The following RREB1 variants were observed in gnomAD, a reference collection of about 807,000 sequenced individuals.
The protein encoded by RREB1 is ras-responsive element-binding protein 1.
In RREB1, 27 loss-of-function variants were observed where a neutral mutation model predicts 117.8. The observed-to-expected ratio is 0.23, with a 90% CI of 0.17 to 0.32. The LOEUF is 0.32. Among genes scored for constraint, RREB1 ranks in the 10% least tolerant of loss-of-function variants. RREB1 has a pLI of 1.00. For synonymous variants in RREB1, 1,298 were observed against 1,026.7 expected, an observed-to-expected ratio of 1.26 and a Z score of -5.05; for missense variants, 2,577 against 2,378.2, an observed-to-expected ratio of 1.08 and a Z score of -1.74.
rs370523084 is a variant in RREB1 at position 7,231,727 on chromosome 6, G to A, written c.3628G>A (p.Gly1210Arg). The A allele has an allele frequency of 9.6e-5, 155 of 1,613,560 alleles. No individual in the cohort carries two copies. Among genetic ancestry groups the A allele is most frequent in the East Asian group, 1.6e-4 (7 of 44,882 alleles). Residue 1210 changes from glycine to arginine, a missense_variant, in exon 10 of 13, where the codon GGA becomes AGA. Gly to Arg is a moderately radical substitution (Grantham distance 125, BLOSUM62 -2). Coordinates refer to ENST00000379938, the MANE Select transcript of RREB1 (RefSeq NM_001003699.4). The part of the protein sequence containing the change: ...AEDNTQDEVA[G>R]APADHHGPSD... Reference sequence around the variant, plus strand: ...GGACAACACTCAGGATGAGGTGGCCGGAGCCCCTGCCGACCACCATGGGCC... The same window carrying A: ...GGACAACACTCAGGATGAGGTGGCCAGAGCCCCTGCCGACCACCATGGGCC...
Position 7,169,101 on chromosome 6 carries a change from T to TA in RREB1, c.-284-7553dup, listed in dbSNP as rs1764093836. Among the ~76,000 whole-genome samples, 3 of 151,746 alleles carry TA rather than the reference T, an allele frequency of 2.0e-5. No individual in the cohort carries two copies. In the South Asian group the frequency reaches 6.2e-4, roughly 31 times the overall value. On this transcript the variant is annotated intron_variant, in intron 1 of 12. Transcript: ENST00000379938. ...GACTTGAATCCTGTTTTCTGTTACT[T>TA]ATAGCAACATTCTTTTCTGTTTTCA...
chr6:7,232,840 C>G (rs1173255513), intron 10 of RREB1, among the ~76,000 whole-genome samples: 1 of 151,026 alleles, frequency 6.6e-6, no homozygotes, highest in Non-Finnish European at 1.5e-5. Flanking sequence ...GTTTTCTTGC[C>G]TCTTCCTCCC....
chr6:7,122,545 C>T (rs146100590), intron 1 of RREB1, among the ~76,000 whole-genome samples: 1 of 152,334 alleles, frequency 6.6e-6, no homozygotes, highest in East Asian at 1.9e-4. Context: ...GGATTACAGG[C>T]ATGAGCCACC....
chr6:7,243,005 G>A (rs564911842), intron 11 of RREB1, among the ~76,000 whole-genome samples: 1 of 152,270 alleles, frequency 6.6e-6, no homozygotes, highest in Non-Finnish European at 1.5e-5. Context: ...ATGATGCCCC[G>A]TCTTTGTGTT....
At chr6:7,221,381 C>T in intron 8 of RREB1, among the ~76,000 whole-genome samples, 1 of 151,994 alleles carries the variant, frequency 6.6e-6, no homozygotes, top group Admixed American at 6.6e-5. Context: ...ACCTTGTTAG[C>T]CAGGATGGTC....
chr6:7,208,448 CA>C (rs1766395439), intron 6 of RREB1, among the ~76,000 whole-genome samples: 2 of 152,366 alleles, frequency 1.3e-5, no homozygotes, highest in South Asian at 4.1e-4. Flanking sequence ...GTTGTCAGTG[CA>C]GCTTTTGCTC....
At chr6:7,109,190 C>T (rs1458835039) in intron 1 of RREB1, among the ~76,000 whole-genome samples, 1 of 151,956 alleles carries the variant, frequency 6.6e-6, no homozygotes, top group African/African-American at 2.4e-5. Flanking sequence ...CTGGGGCTTC[C>T]CTTCCTCCTC....
chr6:7,211,232 G>A (rs1190524716), intron 7 of RREB1, among the ~76,000 whole-genome samples: 2 of 150,874 alleles, frequency 1.3e-5, no homozygotes, highest in African/African-American at 4.9e-5. Flanking sequence ...ATAAGCATTC[G>A]GGACTCTTTT....
rs748889560 is a variant in RREB1 at position 7,210,912 on chromosome 6, C to G, written c.534C>G (p.Ala178=). The G allele has an allele frequency of 6.2e-7, 1 of 1,614,090 alleles. No individual in the cohort carries two copies. Among genetic ancestry groups the G allele is most frequent in the Non-Finnish European group, 8.5e-7 (1 of 1,179,988 alleles). The change falls in exon 7 of 13, where the codon GCC becomes GCG. Residue 178 remains alanine, a synonymous_variant. Transcript: ENST00000379938. ...LSSKRKLSHD[A]ESEREDPAPA... ...CCAAGAGGAAACTGAGTCACGATGC[C>G]GAGTCAGAGAGAGAAGACCCAGCAC...
intron 1 of RREB1, among the ~76,000 whole-genome samples, chr6:7,166,156 A>G (rs777835094): frequency 4.1e-4 from 61 of 149,226 alleles, no homozygotes; most frequent in Non-Finnish European, 7.4e-4. Flanking sequence ...ACTAATCCCC[A>G]CTCCCACCCC....
chr6:7,109,599 G>C (rs919694154), intron 1 of RREB1, among the ~76,000 whole-genome samples: 1 of 152,218 alleles, frequency 6.6e-6, no homozygotes, highest in Non-Finnish European at 1.5e-5. Flanking sequence ...TGCAGCTCGC[G>C]CCCCTCGGCC....
chr6:7,218,995 C>A (rs1767073794), intron 8 of RREB1: 1 of 145,020 alleles, frequency 6.9e-6, no homozygotes, highest in Non-Finnish European at 1.5e-5. Flanking sequence ...TGTCTGTAAT[C>A]TCAGTACTTT....
intron 6 of RREB1, among the ~76,000 whole-genome samples, chr6:7,190,764 G>A (rs769105831): frequency 3.6e-4 from 55 of 152,142 alleles, no homozygotes; most frequent in Middle Eastern, 6.8e-3. Context: ...AGGTCTGCTC[G>A]TTCTACACCC....
At chr6:7,197,032 A>G (rs371634269) in intron 6 of RREB1, among the ~76,000 whole-genome samples, 1 of 152,208 alleles carries the variant, frequency 6.6e-6, no homozygotes, top group South Asian at 2.1e-4. Flanking sequence ...AACTTGGGAA[A>G]CTGAGCCAGA....
chr6:7,122,838 C>G (rs192791274), intron 1 of RREB1, among the ~76,000 whole-genome samples: 5 of 152,178 alleles, frequency 3.3e-5, no homozygotes, highest in African/African-American at 1.2e-4. Flanking sequence ...TAGATAATTG[C>G]CTTGTCATGA....
chr6:7,228,102 A>C (rs1767692345), intron 9 of RREB1, among the ~76,000 whole-genome samples: 1 of 152,176 alleles, frequency 6.6e-6, no homozygotes, highest in Non-Finnish European at 1.5e-5. Context: ...TTTTTTCCCC[A>C]TTTTAAAAAG....
At chr6:7,154,754 A>G (rs766968894) in intron 1 of RREB1, among the ~76,000 whole-genome samples, 4 of 152,190 alleles carry the variant, frequency 2.6e-5, no homozygotes, top group Non-Finnish European at 4.4e-5. Flanking sequence ...CTTAACTACC[A>G]TGCAATTCCG....
At chr6:7,247,944 G>A (rs1050492928) in intron 12 of RREB1, among the ~76,000 whole-genome samples, 2 of 152,122 alleles carry the variant, frequency 1.3e-5, no homozygotes, top group Admixed American at 6.5e-5. Flanking sequence ...CATGTGCCCC[G>A]ACCCAGCGCA....
At chr6:7,150,976 C>T (rs1418541032) in intron 1 of RREB1, among the ~76,000 whole-genome samples, 2 of 152,174 alleles carry the variant, frequency 1.3e-5, no homozygotes, top group Admixed American at 6.5e-5. Context: ...GCTGGCCGCC[C>T]GGAGATCAGC....
Sources: allele counts gnomAD v4.1 joint callset (sites outside exome capture counted in the v4.1 genomes callset), GRCh38; gene constraint gnomAD v4.1.1; transcripts MANE v1.5; gene names NCBI Gene and HGNC (gene_info 2026-07-23, HGNC 2026-07-21).